Variants in TENT2 observed in about 807,000 individuals in gnomAD.
TENT2 encodes poly(A) RNA polymerase GLD2.
Under a neutral mutation model 72.2 loss-of-function variants are expected in TENT2, and 44 were observed. That is an observed-to-expected ratio of 0.61 (90% CI 0.48 to 0.78). TENT2 has a LOEUF of 0.78. Ranked by LOEUF, TENT2 falls within the 30% of genes least tolerant of loss-of-function variation. The pLI is 0.00. For missense variants in TENT2, 541 were observed against 569.6 expected (o/e 0.95, Z 0.51); for synonymous variants, 212 against 192.5 (o/e 1.10, Z -0.84).
Position 79,612,518 on chromosome 5 carries a change from C to G in TENT2, c.-595C>G, listed in dbSNP as rs1259940884. 6.5e-6 allele frequency: 1 copy of G among 153,042 alleles called. No homozygotes were observed. The highest frequency in any genetic ancestry group is 6.5e-5 in the Admixed American group (1 of 15,290). 9.5% of individuals were successfully genotyped at this position (153,042 alleles called of 1,614,324 possible). On this transcript the variant is annotated 5_prime_UTR_variant, in exon 1 of 15. Transcript: ENST00000453514. ...CTTTTTCGGCGACTTTTTGCTCTTC[C>G]GCTTTTTGCCACCGCCCCCAACCTT...
intron 13 of TENT2, among the ~76,000 whole-genome samples, chr5:79,681,229 G>A (rs1199667663): frequency 8.7e-5 from 11 of 126,624 alleles, no homozygotes; most frequent in African/African-American, 1.8e-4. Context: ...GCGTGATCTC[G>A]GCTCACTGCA....
At chr5:79,636,969 T>C (rs1354014298) in intron 4 of TENT2, among the ~76,000 whole-genome samples, 1 of 152,212 alleles carries the variant, frequency 6.6e-6, no homozygotes, top group Non-Finnish European at 1.5e-5. Context: ...TTTTTTATAT[T>C]ATGTTAAAAA....
At chr5:79,650,518 A>T (rs1316138467) in intron 10 of TENT2, among the ~76,000 whole-genome samples, 2 of 152,092 alleles carry the variant, frequency 1.3e-5, no homozygotes, top group Non-Finnish European at 2.9e-5. Flanking sequence ...AAAAAAAAGT[A>T]TTGAAAAATA....
chr5:79,647,532 G>A (rs1331868753), intron 8 of TENT2, among the ~76,000 whole-genome samples: 1 of 152,126 alleles, frequency 6.6e-6, no homozygotes, highest in African/African-American at 2.4e-5. Flanking sequence ...AATATCTGAA[G>A]TGTTAATACT....
chr5:79,639,979 G>A (rs966388372), intron 4 of TENT2, among the ~76,000 whole-genome samples: 2 of 152,086 alleles, frequency 1.3e-5, no homozygotes, highest in Admixed American at 6.5e-5. Context: ...TGGTAGGGCC[G>A]GGTGTGATGG....
intron 8 of TENT2, 57 bp downstream of exon 8, chr5:79,645,249 A>G (rs971684400): frequency 1.5e-6 from 2 of 1,300,108 alleles, no homozygotes; most frequent in Non-Finnish European, 1.1e-6. Context: ...TTAGATACTC[A>G]TCTGATAAAG....
At position 79,679,647 on chromosome 5, in the gene TENT2, G is replaced by T. The variant is rs1820169104; in HGVS notation, c.1277G>T (p.Arg426Ile). 2 of 1,595,522 alleles carry T rather than the reference G, an allele frequency of 1.3e-6. No homozygotes were observed. The highest frequency in any genetic ancestry group is 2.7e-5 in the African/African-American group (2 of 74,484). The change falls in exon 13 of 15, where the codon AGA (arginine) becomes ATA (isoleucine). Residue 426 changes from arginine to isoleucine, a missense_variant. Transcript: ENST00000453514. ...CCAAGGCCTGATGGTATTGAATGGAGAAATAAATACATCTGTGTAGAAGGT... is the reference window on the plus strand; with the variant it reads ...CCAAGGCCTGATGGTATTGAATGGATAAATAAATACATCTGTGTAGAAGGT... Reference protein sequence around the residue: ...AIPRPDGIEWRNKYICVEEPF... With the variant: ...AIPRPDGIEWINKYICVEEPF...
At chr5:79,637,481 C>T (rs1312388058) in intron 4 of TENT2, among the ~76,000 whole-genome samples, 1 of 152,038 alleles carries the variant, frequency 6.6e-6, no homozygotes, top group Non-Finnish European at 1.5e-5. Flanking sequence ...GGCTGGAGTA[C>T]AGTGGTGTGA....
At chr5:79,620,691 A>C (rs910401988) in intron 3 of TENT2, 3 of 152,188 alleles carry the variant, frequency 2.0e-5, no homozygotes, top group African/African-American at 7.2e-5. Context: ...ACTTTAACTT[A>C]GGTAACTTTT....
At chr5:79,628,812 C>G (rs1196328381) in intron 4 of TENT2, among the ~76,000 whole-genome samples, 1 of 152,198 alleles carries the variant, frequency 6.6e-6, no homozygotes, top group Non-Finnish European at 1.5e-5. Context: ...TTGGAACAGA[C>G]TACTCAAAAC....
intron 11 of TENT2, among the ~76,000 whole-genome samples, chr5:79,660,141 T>C (rs1170226789): frequency 1.3e-5 from 2 of 152,138 alleles, no homozygotes; most frequent in Non-Finnish European, 2.9e-5. Context: ...TTTAAATATT[T>C]TTAAAATTGG....
chr5:79,642,644 AAGAT>A (rs879422494), intron 6 of TENT2, among the ~76,000 whole-genome samples, 184 bp from the exon 7 acceptor site: 3 of 152,248 alleles, frequency 2.0e-5, no homozygotes, highest in South Asian at 4.1e-4. Context: ...GTAGATGTGA[AAGAT>A]AGCATTAAAG....
chr5:79,628,338 T>TA (rs1751145069), intron 4 of TENT2, among the ~76,000 whole-genome samples: 1 of 152,210 alleles, frequency 6.6e-6, no homozygotes, highest in African/African-American at 2.4e-5. Context: ...AGTAGAGAAA[T>TA]AGCACAGTCA....
chr5:79,655,602 TAGAG>T (rs762446097), intron 10 of TENT2, among the ~76,000 whole-genome samples: 40 of 152,054 alleles, frequency 2.6e-4, no homozygotes, highest in Non-Finnish European at 4.4e-4. Flanking sequence ...CTTATACAAA[TAGAG>T]AGACATTTAG....
intron 3 of TENT2, chr5:79,620,435 A>G (rs1763827752): frequency 6.1e-6 from 1 of 163,024 alleles, no homozygotes; most frequent in East Asian, 1.7e-4. Context: ...TTGCTAGGGT[A>G]GGGTTGCCAT....
intron 4 of TENT2, among the ~76,000 whole-genome samples, chr5:79,626,991 G>A (rs868287086): frequency 1.4e-4 from 21 of 152,028 alleles, no homozygotes; most frequent in Middle Eastern, 3.4e-3. Flanking sequence ...TTAGCTGGGC[G>A]TGGTGGCAGG....
intron 6 of TENT2, among the ~76,000 whole-genome samples, chr5:79,641,961 A>G (rs898681121): frequency 6.6e-6 from 1 of 151,850 alleles, no homozygotes; most frequent in African/African-American, 2.4e-5. Context: ...GGGATGCTCA[A>G]CCTGTAGTAT....
At chr5:79,664,651 T>C (rs1165344534) in intron 11 of TENT2, among the ~76,000 whole-genome samples, 1 of 151,928 alleles carries the variant, frequency 6.6e-6, no homozygotes, top group Non-Finnish European at 1.5e-5. Flanking sequence ...TTTTAATGGT[T>C]ATAAAACATT....
rs1410043584 is a variant in TENT2, at chr5:79,645,130, C to A, written c.759C>A (p.Tyr253Ter). ...HKHFCTRLSG[Y>*]IERPQLIRAK... is the part of the protein sequence containing the mutation. ...TTATCTTTTGTCTTTCAGCGGGCTA[C>A]ATTGAGAGACCTCAGCTGATTCGAG... The change falls in exon 8 of 15, where the codon TAC becomes TAA. Residue 253 changes from tyrosine to a stop codon, truncating the protein, a stop_gained. Coordinates refer to ENST00000453514, the MANE Select transcript of TENT2 (RefSeq NM_001114394.3). LOFTEE classifies it high-confidence loss of function. 1 of 1,603,016 alleles carries A rather than the reference C, an allele frequency of 6.2e-7. No individual in the cohort carries two copies. Among genetic ancestry groups the A allele is most frequent in the Non-Finnish European group, 8.5e-7 (1 of 1,175,124 alleles).
Sources: allele counts gnomAD v4.1 joint callset (sites outside exome capture counted in the v4.1 genomes callset), GRCh38; gene constraint gnomAD v4.1.1; transcripts MANE v1.5; gene names NCBI Gene and HGNC (gene_info 2026-07-23, HGNC 2026-07-21).